Variants in CA10 observed in about 807,000 individuals in gnomAD.
CA10 encodes the protein carbonic anhydrase 10 (inactive).
A neutral mutation model predicts 44.2 loss-of-function variants in CA10; 14 were observed. The observed-to-expected ratio is 0.32, with a 90% CI of 0.21 to 0.50. The LOEUF is 0.50. Ranked by LOEUF, CA10 falls within the 20% of genes least tolerant of loss-of-function variation. The probability of loss-of-function intolerance (pLI) is 0.99; values close to 1 mark genes in which losing one functional copy is unlikely to be tolerated. For missense variants in CA10, 350 were observed against 409.7 expected, an observed-to-expected ratio of 0.85 and a Z score of 1.26; for synonymous variants, 159 against 141.6, an observed-to-expected ratio of 1.12 and a Z score of -0.87.
chr17:51,651,247 A>G (rs1254464848), intron 5 of CA10, among the ~76,000 whole-genome samples: 1 of 152,184 alleles, frequency 6.6e-6, no homozygotes, highest in Non-Finnish European at 1.5e-5. Flanking sequence ...CTTAGGGACC[A>G]AGAGCTTTGT....
intron 2 of CA10, among the ~76,000 whole-genome samples, chr17:52,038,127 G>T (rs1462519592): frequency 2.6e-5 from 4 of 152,094 alleles, no homozygotes; most frequent in Non-Finnish European, 5.9e-5. Context: ...TGCTTAAAAT[G>T]CATTTCTAAA....
At chr17:52,018,627 G>A (rs188624707) in intron 2 of CA10, among the ~76,000 whole-genome samples, 54 of 152,124 alleles carry the variant, frequency 3.5e-4, no homozygotes, top group Non-Finnish European at 2.1e-4. Flanking sequence ...TGACAATCTC[G>A]TAGGTAGAAG....
intron 2 of CA10, among the ~76,000 whole-genome samples, chr17:52,007,808 A>G (rs1377609166): frequency 7.9e-5 from 12 of 151,486 alleles, no homozygotes; most frequent in Admixed American, 7.9e-4. Flanking sequence ...TGGACTATAT[A>G]TGTACCATCA....
chr17:51,696,226 A>G (rs1265042230), intron 4 of CA10, among the ~76,000 whole-genome samples: 4 of 152,116 alleles, frequency 2.6e-5, no homozygotes, highest in Non-Finnish European at 5.9e-5. Flanking sequence ...TTTTTGGAAT[A>G]GTTTCAATAG....
At chr17:52,125,375 G>T (rs1413177256) in intron 1 of CA10, among the ~76,000 whole-genome samples, 1 of 152,202 alleles carries the variant, frequency 6.6e-6, no homozygotes. Context: ...ACGGTGACCA[G>T]CCAAAGAGCA....
At chr17:52,131,297 A>T (rs1315200436) in intron 1 of CA10, among the ~76,000 whole-genome samples, 2 of 152,250 alleles carry the variant, frequency 1.3e-5, no homozygotes, top group Non-Finnish European at 2.9e-5. Context: ...GAGCATGGCA[A>T]CAGTGTTACA....
chr17:51,780,610 G>T (rs766205859), intron 3 of CA10, among the ~76,000 whole-genome samples: 25 of 152,156 alleles, frequency 1.6e-4, no homozygotes, highest in Non-Finnish European at 2.6e-4. Flanking sequence ...ACACCTAAAT[G>T]AACAACTGCA....
intron 4 of CA10, among the ~76,000 whole-genome samples, chr17:51,669,278 C>G (rs1914322814): frequency 6.6e-6 from 1 of 152,160 alleles, no homozygotes; most frequent in Non-Finnish European, 1.5e-5. Flanking sequence ...CACTCTGTGT[C>G]TAGCTTGGGG....
chr17:51,931,411 T>C (rs1271188944), intron 2 of CA10, among the ~76,000 whole-genome samples: 1 of 152,204 alleles, frequency 6.6e-6, no homozygotes, highest in Admixed American at 6.5e-5. Context: ...AACACTTTAA[T>C]GCTAACATCA....
At chr17:52,070,584 A>G (rs985899969) in intron 2 of CA10, 4 of 152,252 alleles carry the variant, frequency 2.6e-5, no homozygotes, top group Admixed American at 2.0e-4. Flanking sequence ...TTCAGAGGCC[A>G]TGATCACACT....
intron 3 of CA10, among the ~76,000 whole-genome samples, chr17:51,923,390 C>T (rs903183276): frequency 6.6e-6 from 1 of 152,150 alleles, no homozygotes; most frequent in Non-Finnish European, 1.5e-5. Context: ...GTTTGACAAA[C>T]CCAACTTCTC....
In CA10 at chr17:51,945,768, G is replaced by A. The variant is rs1983249796; in HGVS notation, c.137-14636C>T. ...TCCCCTCGACTCCCTTATCAGGTAG[G>A]CTATTTCCATTTCTCACTCCCTTTC... On this transcript the variant is annotated intron_variant, in intron 2 of 8. Transcript: ENST00000451037. Among the ~76,000 whole-genome samples, 4 of 152,082 alleles carry A rather than the reference G, an allele frequency of 2.6e-5. No homozygotes were observed. The South Asian group carries it at 8.3e-4, about 32-fold the overall frequency.
At chr17:51,916,256 T>C (rs1389305035) in intron 3 of CA10, among the ~76,000 whole-genome samples, 1 of 152,196 alleles carries the variant, frequency 6.6e-6, no homozygotes, top group African/African-American at 2.4e-5. Context: ...ACATTGTGAC[T>C]GCAAAGGCAT....
intron 3 of CA10, among the ~76,000 whole-genome samples, chr17:51,816,825 A>G (rs769803599): frequency 6.6e-6 from 1 of 152,122 alleles, no homozygotes; most frequent in Non-Finnish European, 1.5e-5. Context: ...GCCACACCAG[A>G]CTGTCAAAGA....
At chr17:51,673,115 T>G (rs1316570449) in intron 4 of CA10, among the ~76,000 whole-genome samples, 1 of 152,216 alleles carries the variant, frequency 6.6e-6, no homozygotes, top group Non-Finnish European at 1.5e-5. Context: ...ATTCTTTGCT[T>G]TCTTGGTCCA....
At chr17:51,931,610 A>G (rs112035533) in intron 2 of CA10, among the ~76,000 whole-genome samples, 1 of 152,286 alleles carries the variant, frequency 6.6e-6, no homozygotes, top group Non-Finnish European at 1.5e-5. Flanking sequence ...TGTCAAGACT[A>G]AACTGAGGGA....
At chr17:51,989,614 T>C (rs1288839527) in intron 2 of CA10, among the ~76,000 whole-genome samples, 1 of 152,050 alleles carries the variant, frequency 6.6e-6, no homozygotes, top group Non-Finnish European at 1.5e-5. Context: ...TAGAATACTA[T>C]GCAGCTGTAA....
intron 3 of CA10, among the ~76,000 whole-genome samples, chr17:51,765,181 A>G (rs1426720891): frequency 6.6e-6 from 1 of 152,162 alleles, no homozygotes; most frequent in Non-Finnish European, 1.5e-5. Context: ...CAATATCTGT[A>G]CCAGAGAAGT....
chr17:51,838,874 A>G (rs913258780), intron 3 of CA10, among the ~76,000 whole-genome samples: 4 of 152,170 alleles, frequency 2.6e-5, no homozygotes, highest in Non-Finnish European at 4.4e-5. Context: ...ACTCCTACTC[A>G]TCTACCATCA....
Sources: allele counts gnomAD v4.1 joint callset (sites outside exome capture counted in the v4.1 genomes callset), GRCh38; gene constraint gnomAD v4.1.1; transcripts MANE v1.5; gene names NCBI Gene and HGNC (gene_info 2026-07-23, HGNC 2026-07-21).